The following DLG1 variants were observed in gnomAD, a reference collection of about 807,000 sequenced individuals.
DLG1 encodes the protein discs large MAGUK scaffold protein 1.
Under a neutral mutation model 123.4 loss-of-function variants are expected in DLG1, and 42 were observed. That is an observed-to-expected ratio of 0.34 (90% CI 0.27 to 0.44). The LOEUF is 0.44. Ranked by LOEUF, DLG1 falls within the 20% of genes least tolerant of loss-of-function variation. The probability of loss-of-function intolerance (pLI) is 1.00; values close to 1 mark genes in which losing one functional copy is unlikely to be tolerated. For missense variants in DLG1, 942 were observed against 1,082.6 expected, an observed-to-expected ratio of 0.87 and a Z score of 1.82; for synonymous variants, 317 against 356.2, an observed-to-expected ratio of 0.89 and a Z score of 1.24.
chr3:197,089,784 G>T (rs1756696333), intron 15 of DLG1, among the ~76,000 whole-genome samples: 1 of 151,968 alleles, frequency 6.6e-6, no homozygotes, highest in South Asian at 2.1e-4. Flanking sequence ...CGATATATTT[G>T]TATATATAAA....
At chr3:197,284,701 G>A (rs1029071635) in intron 3 of DLG1, among the ~76,000 whole-genome samples, 1 of 152,116 alleles carries the variant, frequency 6.6e-6, no homozygotes, top group Non-Finnish European at 1.5e-5. Flanking sequence ...ACTACAGCAA[G>A]CAAGAAGAGA....
intron 4 of DLG1, among the ~76,000 whole-genome samples, chr3:197,225,275 T>C (rs1418358482): frequency 2.0e-5 from 3 of 152,228 alleles, no homozygotes; most frequent in African/African-American, 4.8e-5. Context: ...CCATCTAATA[T>C]TTTATATAAG....
At chr3:197,107,397 T>G (rs1767101017) in intron 13 of DLG1, among the ~76,000 whole-genome samples, 1 of 151,970 alleles carries the variant, frequency 6.6e-6, no homozygotes, top group South Asian at 2.1e-4. Context: ...ACAAAAAAAT[T>G]AGCCGGGCGT....
In DLG1 at chr3:197,044,643, G is replaced by A. The variant is rs1560269373; in HGVS notation, c.2662C>T (p.Pro888Ser). 2 of 1,606,408 alleles carry A rather than the reference G, an allele frequency of 1.2e-6. No individual in the cohort carries two copies. Among genetic ancestry groups the A allele is most frequent in the Admixed American group, 1.7e-5 (1 of 58,966 alleles). ...EEQSGSYIWV[P>S]AKEKL ...AGTTTTCATAGCTTTTCTTTTGCCG[G>A]AACCCAGATGTAAGAACCAGATTGT... Residue 888 changes from proline (P) to serine (S), a missense_variant, in exon 25 of 25, where the codon CCG (proline) becomes TCG (serine). Pro to Ser is a moderately conservative substitution (Grantham distance 74). Coordinates refer to ENST00000667157, the MANE Select transcript of DLG1 (RefSeq NM_001366207.1).
chr3:197,128,021 T>C (rs1472778839), intron 11 of DLG1, among the ~76,000 whole-genome samples: 5 of 152,172 alleles, frequency 3.3e-5, no homozygotes, highest in Non-Finnish European at 5.9e-5. Context: ...AGGGTGGTAG[T>C]TGCTGAAGGG....
chr3:197,200,943 T>C (rs1415333564), intron 4 of DLG1, among the ~76,000 whole-genome samples: 3 of 152,162 alleles, frequency 2.0e-5, no homozygotes, highest in Non-Finnish European at 4.4e-5. Flanking sequence ...AATACCCACT[T>C]TCACCACTCT....
chr3:197,277,536 T>G (rs1255666699), intron 4 of DLG1, among the ~76,000 whole-genome samples: 1 of 152,110 alleles, frequency 6.6e-6, no homozygotes, highest in Non-Finnish European at 1.5e-5. Flanking sequence ...AGGCGGGGTT[T>G]TGCCATGTTG....
At chr3:197,206,556 C>A (rs1284170575) in intron 4 of DLG1, among the ~76,000 whole-genome samples, 1 of 152,202 alleles carries the variant, frequency 6.6e-6, no homozygotes, top group Non-Finnish European at 1.5e-5. Context: ...CTGCCTCAGC[C>A]TCCCAAAGTG....
rs757427696 is a variant in DLG1 at position 197,095,414 on chromosome 3, C to T, written c.1547-4388G>A. ...AGATCTTTGAGTCACAGCAGTTTCT[C>T]GGTGTTTCCTTGACTTTGTGACCTT... On this transcript the variant is annotated intron_variant, in intron 14 of 24. Transcript: ENST00000667157. Among the ~76,000 whole-genome samples the T allele has an allele frequency of 9.4e-4, 143 of 152,096 alleles. 3 individuals carry two copies. The highest frequency in any genetic ancestry group is 5.8e-4 in the East Asian group (3 of 5,180).
chr3:197,095,104 T>C (rs187276840), intron 14 of DLG1, among the ~76,000 whole-genome samples: 1 of 152,318 alleles, frequency 6.6e-6, no homozygotes, highest in Non-Finnish European at 1.5e-5. Flanking sequence ...TTCAAATCTT[T>C]TGTTTCTTCT....
At chr3:197,047,637 G>T (rs1201297104) in intron 24 of DLG1, among the ~76,000 whole-genome samples, 1 of 150,778 alleles carries the variant, frequency 6.6e-6, no homozygotes. Flanking sequence ...CGGATCAAAG[G>T]GCAACTAATC....
chr3:197,206,739 A>T (rs1728713347), intron 4 of DLG1, among the ~76,000 whole-genome samples: 1 of 152,320 alleles, frequency 6.6e-6, no homozygotes. Context: ...ACTATGAGAT[A>T]AAAAAATTAG....
chr3:197,298,230 G>A (rs1404039586), intron 1 of DLG1: 2 of 334,164 alleles, frequency 6.0e-6, no homozygotes, highest in Non-Finnish European at 5.4e-6. Context: ...TCCCCGCGCT[G>A]CTACCTTCGG....
rs80353083 is a variant in DLG1 at position 197,176,602 on chromosome 3, T to C, written c.483+17823A>G. ...GGCTTCTTTCACCTGGTAATATTCA[T>C]TTAAGGTTCCTCCATGTCTTTTCAT... On this transcript the variant is annotated intron_variant, in intron 5 of 24. Transcript: ENST00000667157. Among the ~76,000 whole-genome samples, 18 of 152,288 alleles carry C rather than the reference T, an allele frequency of 1.2e-4. 1 individual carries two copies. The East Asian group carries it at 3.3e-3, about 28-fold the overall frequency.
rs1773056585 is a variant in DLG1 at position 197,115,953 on chromosome 3, G to A, written c.1417C>T (p.Leu473Phe). 6.2e-7 allele frequency: 1 copy of A among 1,612,714 alleles called. No homozygotes were observed. The highest frequency in any genetic ancestry group is 2.2e-5 in the East Asian group (1 of 44,710). The change falls in exon 13 of 25, where the codon CTC (leucine) becomes TTC (phenylalanine). Residue 473 changes from leucine (L) to phenylalanine (F), a missense_variant. Physicochemically the swap from Leu to Phe is conservative, Grantham distance 22 (BLOSUM62 0). Transcript: ENST00000667157. ...GATATAATACGATCTCCTTTTCTGAGCTCTCCACTTAGATCAGCAGGTCCT... is the reference window on the plus strand; with the variant it reads ...GATATAATACGATCTCCTTTTCTGAACTCTCCACTTAGATCAGCAGGTCCT... The part of the protein sequence containing the change: ...AGGPADLSGE[L>F]RKGDRIISVN...
At chr3:197,221,217 G>C (rs1736813691) in intron 4 of DLG1, among the ~76,000 whole-genome samples, 1 of 152,092 alleles carries the variant, frequency 6.6e-6, no homozygotes, top group African/African-American at 2.4e-5. Context: ...AAGTGAGAAG[G>C]ATAAAGAAAC....
chr3:197,231,711 C>A (rs990289236), intron 4 of DLG1, among the ~76,000 whole-genome samples: 173 of 124,512 alleles, frequency 1.4e-3, no homozygotes, highest in African/African-American at 5.0e-3. Context: ...AAAAAAAAAA[C>A]AACAAAAAAC....
At chr3:197,198,062 G>A (rs1723467029) in intron 4 of DLG1, among the ~76,000 whole-genome samples, 1 of 152,068 alleles carries the variant, frequency 6.6e-6, no homozygotes, top group African/African-American at 2.4e-5. Context: ...TTAGGAAATC[G>A]TATCTTGGAT....
intron 14 of DLG1, among the ~76,000 whole-genome samples, chr3:197,095,716 G>A (rs1444611437): frequency 6.6e-6 from 1 of 152,008 alleles, no homozygotes; most frequent in Non-Finnish European, 1.5e-5. Flanking sequence ...CTGAAACTGT[G>A]TACAATTCTC....
Sources: gnomAD v4.1 joint callset for allele counts (sites outside exome capture counted in the v4.1 genomes callset) on GRCh38, gnomAD v4.1.1 for gene constraint, MANE v1.5 for transcripts, NCBI Gene and HGNC (gene_info 2026-07-23, HGNC 2026-07-21) for gene names.